Variants in EIF2B3 observed in about 807,000 individuals in gnomAD.
EIF2B3 encodes the protein translation initiation factor eIF2B subunit gamma.
A neutral mutation model predicts 54.1 loss-of-function variants in EIF2B3; 20 were observed. The observed-to-expected ratio is 0.37, with a 90% confidence interval of 0.26 to 0.54. The LOEUF (loss-of-function observed/expected upper bound fraction) is 0.54, where lower values mean the gene tolerates loss of function less well. Ranked by LOEUF, EIF2B3 falls within the 20% of genes least tolerant of loss-of-function variation. The pLI is 0.86. For missense variants in EIF2B3, 448 were observed against 547.8 expected, an observed-to-expected ratio of 0.82 and a Z score of 1.82; for synonymous variants, 153 against 188.1, an observed-to-expected ratio of 0.81 and a Z score of 1.52.
intron 5 of EIF2B3, among the ~76,000 whole-genome samples, chr1:44,910,145 T>G (rs908000721): frequency 1.3e-5 from 2 of 152,220 alleles, no homozygotes; most frequent in Non-Finnish European, 2.9e-5. Context: ...TTATTAAATA[T>G]TTGGCACAAA....
chr1:44,958,525 TCTTTAGC>T lies in EIF2B3; in HGVS notation c.295-16867_295-16861del, dbSNP rs1644251234. The T allele has an allele frequency of 3.9e-6, 5 of 1,266,692 alleles. No individual in the cohort carries two copies. The South Asian group carries it at 5.1e-5, about 13-fold the overall frequency. The allele number at this position is 1,266,692 out of a possible 1,614,324, so 78.5% of individuals were successfully genotyped here. ...TACTGCGTTTTTCTTTTATGGGCTG[TCTTTAGC>T]TTCTGGAGACCTCACTATCCTATTA... On this transcript the variant is annotated intron_variant, in intron 3 of 11. Coordinates refer to ENST00000360403, the MANE Select transcript of EIF2B3 (RefSeq NM_020365.5).
chr1:44,878,087 G>A (rs1410958364), intron 8 of EIF2B3, among the ~76,000 whole-genome samples: 3 of 152,198 alleles, frequency 2.0e-5, no homozygotes, highest in Non-Finnish European at 4.4e-5. Context: ...TTCCAGACCA[G>A]CGTGAAAGAT....
intron 6 of EIF2B3, among the ~76,000 whole-genome samples, chr1:44,896,430 C>T (rs1489744497): frequency 1.3e-5 from 2 of 152,196 alleles, no homozygotes; most frequent in South Asian, 4.1e-4. Context: ...GGGAGCAATC[C>T]TCCTTCCTCT....
At chr1:44,973,999 A>C (rs962869628) in intron 3 of EIF2B3, among the ~76,000 whole-genome samples, 1 of 152,124 alleles carries the variant, frequency 6.6e-6, no homozygotes, top group Non-Finnish European at 1.5e-5. Context: ...ACAAATAATC[A>C]GCGGTACTCC....
rs752636698 is a variant in EIF2B3, at chr1:44,981,080, A to G, written c.89T>C (p.Val30Ala). ...GTACCAAATTAAAGGTTTGTTCCCA[A>G]CTGGAAGCAGAGGTTTGGGAATGCT... is the stretch of plus-strand genomic sequence containing the variant. The part of the protein sequence containing the change: ...TSSIPKPLLP[V>A]GNKPLIWYPL... The change falls in exon 2 of 12, where the codon GTT (valine) becomes GCT (alanine). Residue 30 changes from valine (V) to alanine (A), a missense_variant. Val to Ala is a moderately conservative substitution (Grantham distance 64). Coordinates refer to ENST00000360403, the MANE Select transcript of EIF2B3 (RefSeq NM_020365.5). 8 of 1,613,510 alleles carry G rather than the reference A, an allele frequency of 5.0e-6. No individual in the cohort carries two copies. The African/African-American group carries it at 8.0e-5, about 16-fold the overall frequency.
rs139006950 is a variant in EIF2B3 at position 44,963,314 on chromosome 1, G to A, written c.294+15001C>T. Among the ~76,000 whole-genome samples the A allele has an allele frequency of 3.3e-5, 5 of 149,630 alleles. No homozygotes were observed. The South Asian group carries it at 6.4e-4, about 19-fold the overall frequency. ...TTGACAGGGTCTCACTCTGTTGCTCGGGCTGAAGTGCAGTGGCTGATCTCA... is the reference window on the plus strand; with the variant it reads ...TTGACAGGGTCTCACTCTGTTGCTCAGGCTGAAGTGCAGTGGCTGATCTCA... On this transcript the variant is annotated intron_variant, in intron 3 of 11. Coordinates refer to ENST00000360403, the MANE Select transcript of EIF2B3 (RefSeq NM_020365.5).
chr1:44,950,677 TA>T (rs1188157136), intron 3 of EIF2B3, among the ~76,000 whole-genome samples: 1 of 152,170 alleles, frequency 6.6e-6, no homozygotes, highest in Non-Finnish European at 1.5e-5. Context: ...TCAATAAGTA[TA>T]AGGTGTTTAT....
intron 6 of EIF2B3, among the ~76,000 whole-genome samples, chr1:44,892,902 G>A (rs1655848718): frequency 6.6e-6 from 1 of 152,154 alleles, no homozygotes; most frequent in African/African-American, 2.4e-5. Context: ...ACCAAGTACA[G>A]CCAAATCAAT....
intron 6 of EIF2B3, among the ~76,000 whole-genome samples, chr1:44,894,941 C>T (rs1350585409): frequency 6.6e-6 from 1 of 152,246 alleles, no homozygotes; most frequent in Non-Finnish European, 1.5e-5. Context: ...TCAATCCCAT[C>T]TCCCACAACC....
intron 5 of EIF2B3, among the ~76,000 whole-genome samples, chr1:44,926,273 A>C (rs866089715): frequency 4.6e-5 from 7 of 151,974 alleles, no homozygotes; most frequent in Non-Finnish European, 8.8e-5. Context: ...CCAAACCAAA[A>C]CAAAACAAAA....
chr1:44,908,708 T>C lies in EIF2B3; in HGVS notation c.567-11264A>G, dbSNP rs566793310. On this transcript the variant is annotated intron_variant, in intron 5 of 11. Transcript: ENST00000360403. ...TATTTATAGATTTGGGATAAAGAGA[T>C]AGTGGAAAGCAAAGTTGAAAATTCT... Among the ~76,000 whole-genome samples, 4 of 152,272 alleles carry C rather than the reference T, an allele frequency of 2.6e-5. 1 individual carries two copies. The highest frequency in any genetic ancestry group is 6.5e-5 in the Admixed American group (1 of 15,284).
At chr1:44,964,511 T>C (rs188630139) in intron 3 of EIF2B3, among the ~76,000 whole-genome samples, 42 of 152,352 alleles carry the variant, frequency 2.8e-4, no homozygotes, top group East Asian at 1.2e-3. Context: ...TTTGAACATC[T>C]GAAAATAGTA....
chr1:44,950,271 A>G (rs1557700655), intron 3 of EIF2B3, among the ~76,000 whole-genome samples: 1 of 152,290 alleles, frequency 6.6e-6, no homozygotes, highest in African/African-American at 2.4e-5. Flanking sequence ...AAAAATTTTA[A>G]AAATTAGCCA....
intron 3 of EIF2B3, among the ~76,000 whole-genome samples, chr1:44,974,160 G>A (rs1644429783): frequency 6.6e-6 from 1 of 151,080 alleles, no homozygotes; most frequent in East Asian, 1.9e-4. Context: ...GTCCTGGCCA[G>A]GGCAATGAGA....
chr1:44,926,735 C>T lies in EIF2B3; in HGVS notation c.459G>A (p.Glu153=), dbSNP rs780554112. Residue 153 remains glutamate (E), a synonymous_variant, in exon 5 of 12, where the codon GAG becomes GAA. Coordinates refer to ENST00000360403, the MANE Select transcript of EIF2B3 (RefSeq NM_020365.5). ...TGTCCACTCCAATGAAGTCACGCTG[C>T]TCCACTGAATCATACAAAAGAAAAA... ...PGQKGKKKAV[E]QRDFIGVDST... 2 of 1,613,062 alleles carry T rather than the reference C, an allele frequency of 1.2e-6. No homozygotes were observed. Among genetic ancestry groups the T allele is most frequent in the South Asian group, 2.2e-5 (2 of 91,072 alleles).
chr1:44,967,450 A>G (rs1397128119), intron 3 of EIF2B3, among the ~76,000 whole-genome samples: 1 of 143,884 alleles, frequency 7.0e-6, no homozygotes, highest in Non-Finnish European at 1.5e-5. Flanking sequence ...CTGTCTCAAA[A>G]AAAAAAAAGG....
At chr1:44,924,175 C>T (rs1643806580) in intron 5 of EIF2B3, among the ~76,000 whole-genome samples, 1 of 151,940 alleles carries the variant, frequency 6.6e-6, no homozygotes, top group African/African-American at 2.4e-5. Context: ...CTCCTGACCT[C>T]GTGATCCCCC....
At chr1:44,876,395 C>A (rs1317393433) in intron 8 of EIF2B3, among the ~76,000 whole-genome samples, 2 of 143,734 alleles carry the variant, frequency 1.4e-5, no homozygotes, top group Non-Finnish European at 3.1e-5. Context: ...TGCCTGGCCG[C>A]GACCCTGTCT....
At chr1:44,979,785 G>A (rs1278442290) in intron 2 of EIF2B3, among the ~76,000 whole-genome samples, 2 of 152,092 alleles carry the variant, frequency 1.3e-5, no homozygotes, top group South Asian at 2.1e-4. Flanking sequence ...ACAACATGGC[G>A]AAACCCTGTC....
Sources: gnomAD v4.1 joint callset for allele counts (sites outside exome capture counted in the v4.1 genomes callset) on GRCh38, gnomAD v4.1.1 for gene constraint, MANE v1.5 for transcripts, NCBI Gene and HGNC (gene_info 2026-07-23, HGNC 2026-07-21) for gene names.